The following CHRM3 variants were observed in gnomAD, a reference collection of about 807,000 sequenced individuals.
CHRM3 encodes the protein cholinergic receptor muscarinic 3.
A neutral mutation model predicts 41.8 loss-of-function variants in CHRM3; 11 were observed. The ratio of observed to expected loss-of-function variants is 0.26; its 90% CI spans 0.17 to 0.44. The LOEUF (loss-of-function observed/expected upper bound fraction) is 0.44. Ranked by LOEUF, CHRM3 falls within the 20% of genes least tolerant of loss-of-function variation. The pLI is 1.00. For synonymous variants in CHRM3, 297 were observed against 301.4 expected, an observed-to-expected ratio of 0.99 and a Z score of 0.15; for missense variants, 571 against 745.4, an observed-to-expected ratio of 0.77 and a Z score of 2.72.
At chr1:239,755,801 C>A (rs1446900510) in intron 5 of CHRM3, among the ~76,000 whole-genome samples, 1 of 152,122 alleles carries the variant, frequency 6.6e-6, no homozygotes, top group Non-Finnish European at 1.5e-5. Context: ...ATTTTACAAG[C>A]TTCCTCTCAA....
chr1:239,559,924 C>T (rs1420735554), intron 3 of CHRM3, among the ~76,000 whole-genome samples: 1 of 152,052 alleles, frequency 6.6e-6, no homozygotes, highest in Non-Finnish European at 1.5e-5. Flanking sequence ...GGCTATTGTC[C>T]ATTTATTTTG....
At chr1:239,411,958 G>C (rs1452036187) in intron 1 of CHRM3, among the ~76,000 whole-genome samples, 2 of 151,658 alleles carry the variant, frequency 1.3e-5, no homozygotes, top group African/African-American at 4.8e-5. Flanking sequence ...AGCAGGCATA[G>C]ACTACTGTGT....
At chr1:239,564,006 T>C (rs1661123021) in intron 3 of CHRM3, among the ~76,000 whole-genome samples, 4 of 152,192 alleles carry the variant, frequency 2.6e-5, no homozygotes, top group Non-Finnish European at 1.5e-5. Context: ...CAAAAAATAA[T>C]TTTTAGAAGC....
chr1:239,850,305 ATCC>A (rs1674595574), intron 6 of CHRM3, among the ~76,000 whole-genome samples: 2 of 152,214 alleles, frequency 1.3e-5, no homozygotes, highest in African/African-American at 4.8e-5. Context: ...AAAGATCTTC[ATCC>A]TCATTGTTTT....
intron 5 of CHRM3, among the ~76,000 whole-genome samples, chr1:239,742,103 T>C (rs62738962): frequency 0.042 from 6,103 of 146,998 alleles, 208 homozygotes; most frequent in African/African-American, 0.081. Context: ...TTTTTTTTTT[T>C]CCTTCTCTGT....
intron 5 of CHRM3, among the ~76,000 whole-genome samples, chr1:239,788,630 G>A (rs1055580116): frequency 6.6e-6 from 1 of 152,100 alleles, no homozygotes; most frequent in Admixed American, 6.6e-5. Context: ...GCCAGGCGTG[G>A]TGGTAGACAC....
intron 5 of CHRM3, among the ~76,000 whole-genome samples, chr1:239,742,270 G>A (rs1284900687): frequency 1.4e-5 from 2 of 138,134 alleles, no homozygotes; most frequent in Non-Finnish European, 3.2e-5. Context: ...AAAATGTAGT[G>A]ACTTAAAGCA....
At chr1:239,891,899 G>A (rs1010347195) in intron 6 of CHRM3, among the ~76,000 whole-genome samples, 15 of 152,166 alleles carry the variant, frequency 9.9e-5, no homozygotes, top group Non-Finnish European at 1.9e-4. Flanking sequence ...AGGGAAGAAA[G>A]CTTCATCCTA....
intron 2 of CHRM3, among the ~76,000 whole-genome samples, chr1:239,538,965 A>AG (rs1658470924): frequency 2.6e-5 from 4 of 152,202 alleles, no homozygotes; most frequent in Non-Finnish European, 2.9e-5. Context: ...TAACAAAGAG[A>AG]GAAAAAAGAC....
rs11392794 is a variant in CHRM3, at chr1:239,911,547, T to TAA, written c.*2334_*2335dup. The TAA allele has an allele frequency of 1.2e-3, 195 of 159,126 alleles. No homozygotes were observed. The highest frequency in any genetic ancestry group is 3.9e-3 in the African/African-American group (155 of 40,056). 9.9% of individuals were successfully genotyped at this position (159,126 alleles called of 1,614,324 possible). A position where few individuals can be genotyped will look rare whatever the true frequency, so the allele number is the denominator to read the frequency against. On this transcript the variant is annotated 3_prime_UTR_variant, in exon 7 of 7. Coordinates refer to ENST00000676153, the MANE Select transcript of CHRM3 (RefSeq NM_001375978.1). ...CTCCCAAAAGGGCTGTTTCTTTTAT[T>TAA]AAAAAAAAAAAAGAAATAGAATTAA...
At chr1:239,391,017 A>G (rs541165972) in intron 1 of CHRM3, among the ~76,000 whole-genome samples, 19 of 152,186 alleles carry the variant, frequency 1.2e-4, no homozygotes, top group African/African-American at 4.6e-4. Context: ...GTGCACCTGT[A>G]TTCCTAGCTA....
chr1:239,606,537 G>T (rs2148720000), intron 3 of CHRM3, among the ~76,000 whole-genome samples: 1 of 152,314 alleles, frequency 6.6e-6, no homozygotes, highest in Non-Finnish European at 1.5e-5. Context: ...GCCTCCCAAA[G>T]TGCTGGGATT....
At chr1:239,423,583 G>A (rs1662126100) in intron 1 of CHRM3, among the ~76,000 whole-genome samples, 1 of 151,956 alleles carries the variant, frequency 6.6e-6, no homozygotes, top group South Asian at 2.1e-4. Flanking sequence ...ATATTTGAGT[G>A]GAATTTTATT....
intron 5 of CHRM3, among the ~76,000 whole-genome samples, chr1:239,717,825 C>T (rs1662540325): frequency 6.6e-6 from 1 of 152,030 alleles, no homozygotes; most frequent in Non-Finnish European, 1.5e-5. Context: ...ACGTGTCCTG[C>T]TCTAGCTAAA....
chr1:239,723,735 G>A (rs896935041), intron 5 of CHRM3, among the ~76,000 whole-genome samples: 15 of 151,848 alleles, frequency 9.9e-5, no homozygotes, highest in Admixed American at 1.3e-4. Context: ...AATTAGAGTA[G>A]GAGTTGCTGT....
chr1:239,790,449 G>A (rs2148857000), intron 5 of CHRM3, among the ~76,000 whole-genome samples: 1 of 152,240 alleles, frequency 6.6e-6, no homozygotes, highest in East Asian at 1.9e-4. Flanking sequence ...GAGATCTGAT[G>A]GTTTTATAAA....
chr1:239,906,986 C>A lies in CHRM3; in HGVS notation c.-19-447C>A, dbSNP rs112031744. ...AATGGCTGGTATCACCTTAAAGTTGCGTATTTCTGAAGCCTCAGATGGGTA... is the reference window on the plus strand; with the variant it reads ...AATGGCTGGTATCACCTTAAAGTTGAGTATTTCTGAAGCCTCAGATGGGTA... On this transcript the variant is annotated intron_variant, in intron 6 of 6. Transcript: ENST00000676153. Among the ~76,000 whole-genome samples, 1,443 of 152,166 alleles carry A rather than the reference C, an allele frequency of 9.5e-3. 24 individuals are homozygous for A. Among genetic ancestry groups the A allele is most frequent in the African/African-American group, 0.032 (1,322 of 41,512 alleles).
At chr1:239,487,672 T>C (rs1354040203) in intron 1 of CHRM3, among the ~76,000 whole-genome samples, 1 of 151,886 alleles carries the variant, frequency 6.6e-6, no homozygotes, top group Non-Finnish European at 1.5e-5. Flanking sequence ...AAGATAACAA[T>C]AAAATGTTGA....
chr1:239,860,878 T>C (rs899919855), intron 6 of CHRM3, among the ~76,000 whole-genome samples: 2 of 152,202 alleles, frequency 1.3e-5, no homozygotes, highest in African/African-American at 4.8e-5. Flanking sequence ...ATCTGAAGCA[T>C]TTTAAATACC....
Sources: allele counts gnomAD v4.1 joint callset (sites outside exome capture counted in the v4.1 genomes callset), GRCh38; gene constraint gnomAD v4.1.1; transcripts MANE v1.5; gene names NCBI Gene and HGNC (gene_info 2026-07-23, HGNC 2026-07-21).